The following TEX52 variants were observed in gnomAD, a reference collection of about 807,000 sequenced individuals.
TEX52 encodes testis expressed 52, also known as testis-expressed protein 52.
TEX52 carries 22 observed loss-of-function variants against 17.6 expected under a neutral mutation model. That is an observed-to-expected ratio of 1.25 (90% CI 0.89 to 1.78). The LOEUF (loss-of-function observed/expected upper bound fraction) is 1.78, where lower values mean the gene tolerates loss of function less well. Ranked by LOEUF, TEX52 falls within the 40% of genes most tolerant of loss-of-function variation. The probability of loss-of-function intolerance (pLI) is 0.00; values close to 1 mark genes in which losing one functional copy is unlikely to be tolerated. For missense variants in TEX52, 396 were observed against 372.3 expected (o/e 1.06, Z -0.52); for synonymous variants, 168 against 147.4 (o/e 1.14, Z -1.01).
chr12:2,849,247 C>A lies in TEX52; in HGVS notation c.902G>T (p.Arg301Ile). 1 of 1,535,888 alleles carries A rather than the reference C, an allele frequency of 6.5e-7. No individual in the cohort carries two copies. Among genetic ancestry groups the A allele is most frequent in the South Asian group, 1.2e-5 (1 of 83,984 alleles). Reference sequence around the variant, plus strand: ...GAAGCCCTTCTAGAAGTGTCCAGGTCTTCTCTTCCTCTTCCTTGCTGGGGA... The same window carrying A: ...GAAGCCCTTCTAGAAGTGTCCAGGTATTCTCTTCCTCTTCCTTGCTGGGGA... ...SKSPARKRKRRPGHF is the reference protein window; with the variant it reads ...SKSPARKRKRIPGHF The change falls in exon 3 of 3, where the codon AGA (arginine) becomes ATA (isoleucine). Residue 301 changes from arginine (R) to isoleucine (I), a missense_variant. Transcript: ENST00000637658.
At chr12:2,851,019 T>A (rs1000069714) in intron 2 of TEX52, among the ~76,000 whole-genome samples, 6 of 140,486 alleles carry the variant, frequency 4.3e-5, no homozygotes, top group African/African-American at 5.4e-5. Flanking sequence ...GAGTCTCGCT[T>A]AGCCAGGCAT....
At position 2,853,282 on chromosome 12, in the gene TEX52, G is replaced by GT. The variant is rs1293192338; in HGVS notation, c.623+1613dup. 3.4e-3 allele frequency among the ~76,000 whole-genome samples: 493 copies of GT among 146,278 alleles called. 1 individual carries two copies. Among genetic ancestry groups the GT allele is most frequent in the Non-Finnish European group, 6.0e-3 (398 of 66,064 alleles). ...CAAAGTCACCAACCTTTGGTTTTTT[G>GT]TTTTTTTTTTTAAACAAAGTCTCGC... On this transcript the variant is annotated intron_variant, in intron 2 of 2. Coordinates refer to ENST00000637658, the MANE Select transcript of TEX52 (RefSeq NM_001365174.2).
rs1418904966 is a variant in TEX52, at chr12:2,855,103, A to T, written c.416T>A (p.Ile139Asn). The change falls in exon 2 of 3, where the codon ATC (isoleucine) becomes AAC (asparagine). Residue 139 changes from isoleucine (I) to asparagine (N), a missense_variant. By Grantham distance (149) the Ile-to-Asn change is moderately radical (BLOSUM62 -3). Transcript: ENST00000637658. ...AHRCPPTEHP[I>N]PPPSWMGQNS... ...TTGCCCCATCCAGGAGGGAGGGGGG[A>T]TGGGGTGCTCCGTGGGGGGGCATCT... The T allele has an allele frequency of 3.9e-6, 6 of 1,534,292 alleles. No individual in the cohort carries two copies. The Admixed American group carries it at 7.9e-5, about 20-fold the overall frequency.
In TEX52 at chr12:2,851,237, C is replaced by T. The variant is rs190884918; in HGVS notation, c.624-1712G>A. Among the ~76,000 whole-genome samples the T allele has an allele frequency of 3.9e-5, 6 of 152,062 alleles. No individual in the cohort carries two copies. In the East Asian group the frequency reaches 1.2e-3, roughly 29 times the overall value. ...GGAGTTTGCAAGACTGGAAGTTGCT[C>T]TGGGTGAGTGAGTGAGTGGAGAGTG... On this transcript the variant is annotated intron_variant, in intron 2 of 2. Coordinates refer to ENST00000637658, the MANE Select transcript of TEX52 (RefSeq NM_001365174.2).
At chr12:2,853,863 C>G (rs922924197) in intron 2 of TEX52, among the ~76,000 whole-genome samples, 1 of 152,122 alleles carries the variant, frequency 6.6e-6, no homozygotes, top group African/African-American at 2.4e-5. Flanking sequence ...ACTTCTCAGC[C>G]CTGCCTGGAG....
chr12:2,852,999 C>CA (rs1219346453), intron 2 of TEX52, among the ~76,000 whole-genome samples: 4 of 142,306 alleles, frequency 2.8e-5, no homozygotes, highest in East Asian at 2.1e-4. Context: ...GACTCTGCCT[C>CA]AAAAAAAAAG....
chr12:2,855,441 G>C lies in TEX52; in HGVS notation c.78C>G (p.Val26=). 1 of 1,466,374 alleles carries C rather than the reference G, an allele frequency of 6.8e-7. No homozygotes were observed. Among genetic ancestry groups the C allele is most frequent in the Non-Finnish European group, 9.0e-7 (1 of 1,108,066 alleles). 90.8% of individuals were successfully genotyped at this position (1,466,374 alleles called of 1,614,324 possible). A position where few individuals can be genotyped will look rare whatever the true frequency, so the allele number is the denominator to read the frequency against. The change falls in exon 2 of 3, where the codon GTC becomes GTG. Residue 26 remains valine (V), a synonymous_variant. Transcript: ENST00000637658. The part of the protein sequence containing the change: ...SHMEEPFLQM[V]QASESLPPSQ... The stretch of plus-strand genomic sequence containing the variant: ...AGGGTGGGAGGGACTCGCTGGCCTG[G>C]ACCATCTAGGGAGAGACAAAAGGGA...
intron 2 of TEX52, among the ~76,000 whole-genome samples, chr12:2,850,411 T>A (rs1043110228): frequency 2.7e-5 from 4 of 145,856 alleles, no homozygotes; most frequent in African/African-American, 1.0e-4. Flanking sequence ...GAGGAGGAGG[T>A]TGCAAGCAGT....
chr12:2,855,444 C>A lies in TEX52; in HGVS notation c.75G>T (p.Met25Ile). ...PSHMEEPFLQ[M>I]VQASESLPPS... ...GTGGGAGGGACTCGCTGGCCTGGACCATCTAGGGAGAGACAAAAGGGAGCC... is the reference window on the plus strand; with the variant it reads ...GTGGGAGGGACTCGCTGGCCTGGACAATCTAGGGAGAGACAAAAGGGAGCC... The change falls in exon 2 of 3, where the codon ATG becomes ATT. Residue 25 changes from methionine (M) to isoleucine (I), a missense_variant and splice_region_variant. By Grantham distance (10) the Met-to-Ile change is conservative (BLOSUM62 1). Coordinates refer to ENST00000637658, the MANE Select transcript of TEX52 (RefSeq NM_001365174.2). 1 of 1,459,470 alleles carries A rather than the reference C, an allele frequency of 6.9e-7. No homozygotes were observed. The highest frequency in any genetic ancestry group is 1.4e-5 in the South Asian group (1 of 72,712). The allele number at this position is 1,459,470 out of a possible 1,614,324, so 90.4% of individuals were successfully genotyped here. A position where few individuals can be genotyped will look rare whatever the true frequency, so the allele number is the denominator to read the frequency against.
At chr12:2,848,965 C>T (rs75123605), downstream of TEX52, 9,194 of 467,938 alleles carry the variant, frequency 0.02, 128 homozygotes, top group Non-Finnish European at 0.027. Context: ...TCCCTGTTCT[C>T]CCTGCTCTAC....
At position 2,852,430 on chromosome 12, in the gene TEX52, A is replaced by G. The variant is rs768408977; in HGVS notation, c.623+2466T>C. On this transcript the variant is annotated intron_variant, in intron 2 of 2. Transcript: ENST00000637658. ...TGCCCAGCCTGGAGTGCAGTGGCAC[A>G]GTGATGGCTAACTGCAGCCTCGACC... is the stretch of plus-strand genomic sequence containing the variant. Among the ~76,000 whole-genome samples, 54 of 152,104 alleles carry G rather than the reference A, an allele frequency of 3.6e-4. 1 individual carries two copies. The highest frequency in any genetic ancestry group is 7.9e-4 in the Non-Finnish European group (54 of 67,982).
At chr12:2,854,088 C>T (rs2098079784) in intron 2 of TEX52, among the ~76,000 whole-genome samples, 1 of 152,150 alleles carries the variant, frequency 6.6e-6, no homozygotes, top group Non-Finnish European at 1.5e-5. Context: ...TGCAATGGCA[C>T]CATCTTGGCT....
At chr12:2,848,877 G>GCACGCACA (rs1555092611), downstream of TEX52, among the ~76,000 whole-genome samples, 12 of 140,372 alleles carry the variant, frequency 8.5e-5, no homozygotes, top group Non-Finnish European at 1.5e-4. Context: ...ACACACACAC[G>GCACGCACA]CACACACACA....
intron 1 of TEX52, among the ~76,000 whole-genome samples, chr12:2,855,931 C>T (rs1359022777): frequency 2.6e-5 from 4 of 152,082 alleles, no homozygotes; most frequent in Admixed American, 6.6e-5. Context: ...TTTTCCCATC[C>T]CAGACTCCTC....
chr12:2,851,040 G>A (rs2098069214), intron 2 of TEX52, among the ~76,000 whole-genome samples: 1 of 136,330 alleles, frequency 7.3e-6, no homozygotes, highest in Non-Finnish European at 1.5e-5. Flanking sequence ...GGTGGCACGT[G>A]CCTGTAATCC....
intron 2 of TEX52, among the ~76,000 whole-genome samples, chr12:2,850,915 G>C (rs899622941): frequency 9.3e-5 from 14 of 149,792 alleles, no homozygotes; most frequent in Non-Finnish European, 1.5e-4. Flanking sequence ...CAAGTGATTC[G>C]CCCGCCTTGG....
chr12:2,850,252 G>A (rs973742458), intron 2 of TEX52, among the ~76,000 whole-genome samples: 3 of 152,016 alleles, frequency 2.0e-5, no homozygotes, highest in African/African-American at 7.2e-5. Flanking sequence ...GAGGCGGGTG[G>A]ATCACAAGGT....
At chr12:2,855,489 AG>A in intron 1 of TEX52, 43 bp from the exon 2 acceptor site, 1 of 1,368,938 alleles carries the variant, frequency 7.3e-7, no homozygotes, top group Non-Finnish European at 9.5e-7. Flanking sequence ...TTGTGCAGAC[AG>A]GGGTGCAGAA....
chr12:2,853,959 G>A (rs887349573), intron 2 of TEX52, among the ~76,000 whole-genome samples: 10 of 152,098 alleles, frequency 6.6e-5, no homozygotes, highest in African/African-American at 1.2e-4. Context: ...TTCCTGTGGC[G>A]GGGACACTCC....
Sources: allele counts gnomAD v4.1 joint callset (sites outside exome capture counted in the v4.1 genomes callset), GRCh38; gene constraint gnomAD v4.1.1; transcripts MANE v1.5; gene names NCBI Gene and HGNC (gene_info 2026-07-23, HGNC 2026-07-21).